SLC71A2: variants seen among roughly 807,000 people sequenced by gnomAD.
SLC71A2 encodes the protein solute carrier family 71 member 2, also known as hippocampus abundant transcript-like 1.
the SLC71A2 span, among the ~76,000 whole-genome samples, chr9:94,413,659 C>CAAAAAAAA: frequency 4.9e-5 from 5 of 101,948 alleles, no homozygotes; most frequent in African/African-American, 1.6e-4. Context: ...GACTTCATCT[C>CAAAAAAAA]AAAAAAAAAA....
chr9:94,440,853 A>T, the SLC71A2 span: 1 of 459,756 alleles, frequency 2.2e-6, no homozygotes, highest in Non-Finnish European at 3.9e-6. Flanking sequence ...TTTTTGATAT[A>T]TTTAAGTATA....
the SLC71A2 span, among the ~76,000 whole-genome samples, chr9:94,404,224 G>A: frequency 1.9e-4 from 29 of 152,318 alleles, no homozygotes; most frequent in Non-Finnish European, 3.1e-4. Context: ...TAATGAGTAT[G>A]TGGTGATACC....
chr9:94,454,062 A>G, the SLC71A2 span: 1 of 1,610,576 alleles, frequency 6.2e-7, no homozygotes, highest in Non-Finnish European at 8.5e-7. Flanking sequence ...GTTTTGGATC[A>G]CAGGCCTGGT....
chr9:94,423,716 A>T, the SLC71A2 span, among the ~76,000 whole-genome samples: 1 of 152,186 alleles, frequency 6.6e-6, no homozygotes, highest in Non-Finnish European at 1.5e-5. Context: ...AATAAAAAGT[A>T]GGAAAAAGAA....
At chr9:94,423,055 G>A in the SLC71A2 span, among the ~76,000 whole-genome samples, 4,654 of 149,658 alleles carry the variant, frequency 0.031, 89 homozygotes, top group South Asian at 0.048. Flanking sequence ...CCCTGCCTCA[G>A]CCTCCCAAGT....
chr9:94,437,663 A>T, the SLC71A2 span, among the ~76,000 whole-genome samples: 1 of 148,550 alleles, frequency 6.7e-6, no homozygotes, highest in African/African-American at 2.5e-5. Flanking sequence ...GGCCCTGGGG[A>T]TAGTATATGG....
At chr9:94,436,860 C>T in the SLC71A2 span, among the ~76,000 whole-genome samples, 1 of 152,254 alleles carries the variant, frequency 6.6e-6, no homozygotes, top group East Asian at 1.9e-4. Context: ...ATTTGAAAAC[C>T]AGTGTTTACC....
the SLC71A2 span, among the ~76,000 whole-genome samples, chr9:94,414,624 C>T: frequency 1.3e-5 from 2 of 152,100 alleles, no homozygotes; most frequent in Non-Finnish European, 2.9e-5. Context: ...TACTAAAGCT[C>T]CAGTGATTTG....
the SLC71A2 span, among the ~76,000 whole-genome samples, chr9:94,392,086 A>G: frequency 1.3e-5 from 2 of 151,722 alleles, no homozygotes; most frequent in African/African-American, 4.8e-5. Context: ...AGAGAGAGGA[A>G]TCAGGGAGAG....
the SLC71A2 span, among the ~76,000 whole-genome samples, chr9:94,399,300 G>T: frequency 1.3e-4 from 20 of 151,956 alleles, no homozygotes; most frequent in Non-Finnish European, 4.4e-5. Context: ...AAGGAGCCCT[G>T]GTTTCTTTTA....
chr9:94,401,292 C>T, the SLC71A2 span, among the ~76,000 whole-genome samples: 3 of 152,116 alleles, frequency 2.0e-5, no homozygotes, highest in African/African-American at 7.2e-5. Flanking sequence ...CTGCCTCAGC[C>T]TCCCAAGTAG....
the SLC71A2 span, chr9:94,458,306 C>T: frequency 6.3e-7 from 1 of 1,594,866 alleles, no homozygotes; most frequent in South Asian, 1.2e-5. Context: ...GCATTATTTT[C>T]TTTGTTCTGA....
the SLC71A2 span, among the ~76,000 whole-genome samples, chr9:94,454,931 G>T: frequency 6.6e-6 from 1 of 152,010 alleles, no homozygotes; most frequent in Admixed American, 6.6e-5. Flanking sequence ...AGAAGGAATC[G>T]TGAGTTTTGT....
At chr9:94,430,653 C>T in the SLC71A2 span, among the ~76,000 whole-genome samples, 1 of 152,082 alleles carries the variant, frequency 6.6e-6, no homozygotes, top group Non-Finnish European at 1.5e-5. Context: ...CAGTTACCGG[C>T]TGAAGATTCA....
chr9:94,416,332 T>G, the SLC71A2 span, among the ~76,000 whole-genome samples: 2 of 152,050 alleles, frequency 1.3e-5, no homozygotes, highest in South Asian at 4.2e-4. Flanking sequence ...CTGGGCAACA[T>G]AGCAAGACCC....
At chr9:94,431,335 C>T in the SLC71A2 span, among the ~76,000 whole-genome samples, 11 of 151,652 alleles carry the variant, frequency 7.3e-5, no homozygotes, top group African/African-American at 2.7e-4. Context: ...AAAATTATGC[C>T]CTAGTAATGT....
the SLC71A2 span, among the ~76,000 whole-genome samples, chr9:94,419,854 C>T: frequency 1.3e-3 from 196 of 152,150 alleles, 5 homozygotes; most frequent in Admixed American, 4.6e-4. Context: ...TGTCTCTTTT[C>T]AGTTTTTATT....
At chr9:94,409,583 G>A in the SLC71A2 span, among the ~76,000 whole-genome samples, 1 of 152,126 alleles carries the variant, frequency 6.6e-6, no homozygotes, top group Non-Finnish European at 1.5e-5. Flanking sequence ...ATTGATTTGA[G>A]ATCTTTTATA....
chr9:94,415,594 A>G, the SLC71A2 span, among the ~76,000 whole-genome samples: 4 of 152,196 alleles, frequency 2.6e-5, no homozygotes, highest in East Asian at 3.9e-4. Flanking sequence ...GTGGAAGACA[A>G]TGTTTCCACA....
Sources: gnomAD v4.1 joint callset for allele counts (sites outside exome capture counted in the v4.1 genomes callset) on GRCh38, gnomAD v4.1.1 for gene constraint, MANE v1.5 for transcripts, NCBI Gene and HGNC (gene_info 2026-07-23, HGNC 2026-07-21) for gene names.